The following THBS2 variants were observed in gnomAD, a reference collection of about 807,000 sequenced individuals.
The protein encoded by THBS2 is thrombospondin 2, also known as thrombospondin-2.
THBS2 carries 47 observed loss-of-function variants against 135.2 expected under a neutral mutation model. The observed-to-expected ratio is 0.35, with a 90% CI of 0.28 to 0.44. THBS2 has a LOEUF of 0.44. Among genes scored for constraint, THBS2 ranks in the 20% least tolerant of loss-of-function variants. The pLI is 1.00. For synonymous variants in THBS2, 639 were observed against 633.8 expected, an observed-to-expected ratio of 1.01 and a Z score of -0.12; for missense variants, 1,288 against 1,603.1, an observed-to-expected ratio of 0.80 and a Z score of 3.36.
intron 9 of THBS2, among the ~76,000 whole-genome samples, chr6:169,236,193 C>G: frequency 9.2e-6 from 1 of 109,088 alleles, no homozygotes; most frequent in Non-Finnish European, 1.9e-5. Flanking sequence ...CCCATCCACA[C>G]TCATTGCCCC....
chr6:169,247,863 CGT>C (rs1780606992), intron 3 of THBS2, among the ~76,000 whole-genome samples: 1 of 150,896 alleles, frequency 6.6e-6, no homozygotes, highest in African/African-American at 2.4e-5. Context: ...GGTGTGTGCA[CGT>C]GTGTGCATGT....
intron 14 of THBS2, among the ~76,000 whole-genome samples, chr6:169,228,838 C>T (rs1395704562): frequency 1.3e-5 from 2 of 150,410 alleles, no homozygotes. Context: ...GCAAGAGAAT[C>T]GCTTGAACCC....
chr6:169,234,742 C>A lies in THBS2; in HGVS notation c.1643G>T (p.Cys548Phe). The change falls in exon 10 of 22, where the codon TGC becomes TTC. Residue 548 changes from cysteine (C) to phenylalanine (F), a missense_variant. By Grantham distance (205) the Cys-to-Phe change is radical (BLOSUM62 -2). Around this residue, in one of 2 missense-constraint regions of THBS2, gnomAD observed 874 missense variants for 1,156.1 expected, o/e 0.76. Coordinates refer to ENST00000617924, the MANE Select transcript of THBS2 (RefSeq NM_003247.5). ...TTCTACCCCTCACTCACCCACGGGG[C>A]AGCTCCTCTTGTTGCACATCTGACG... ...QERQMCNKRS[C>F]PVDGCLSNPC... is the part of the protein sequence containing the mutation. 6.3e-7 allele frequency: 1 copy of A among 1,581,110 alleles called. No homozygotes were observed.
rs1277674630 is a variant in THBS2, at chr6:169,228,250, T to C, written c.2291A>G (p.Gln764Arg). The change falls in exon 15 of 22, where the codon CAG (glutamine) becomes CGG (arginine). Residue 764 changes from glutamine (Q) to arginine (R), a missense_variant. Physicochemically the swap from Gln to Arg is conservative, Grantham distance 43. Transcript: ENST00000617924. ...AACCTCATCCTTGTCATAGTCAGCCTGGCGGGGATTGAAGAGGAGCTGGCA... is the reference window on the plus strand; with the variant it reads ...AACCTCATCCTTGTCATAGTCAGCCCGGCGGGGATTGAAGAGGAGCTGGCA... The part of the protein sequence containing the change: ...DNCQLLFNPR[Q>R]ADYDKDEVGD... 1 of 1,614,036 alleles carries C rather than the reference T, an allele frequency of 6.2e-7. No individual in the cohort carries two copies. Among genetic ancestry groups the C allele is most frequent in the Non-Finnish European group, 8.5e-7 (1 of 1,180,034 alleles).
In THBS2 at chr6:169,232,004, G is replaced by C; in HGVS notation, c.2127C>G (p.Thr709=). The change falls in exon 13 of 22, where the codon ACC becomes ACG. Residue 709 remains threonine (T), a synonymous_variant. Coordinates refer to ENST00000617924, the MANE Select transcript of THBS2 (RefSeq NM_003247.5). ...CCTTGATGCAGTGGTAGGTGGCGTT[G>C]GTGGCGCAGACCAGATTGAGGTTGG... ...GWPNLNLVCA[T]NATYHCIKDN... 1 of 1,613,958 alleles carries C rather than the reference G, an allele frequency of 6.2e-7. No homozygotes were observed. Among genetic ancestry groups the C allele is most frequent in the Non-Finnish European group, 8.5e-7 (1 of 1,179,936 alleles).
At chr6:169,236,199 G>C (rs1487014370) in intron 9 of THBS2, among the ~76,000 whole-genome samples, 19 of 28,284 alleles carry the variant, frequency 6.7e-4, no homozygotes, top group Admixed American at 1.5e-3. Context: ...CACACTCATT[G>C]CCCCATAAAC....
intron 10 of THBS2, 97 bp from the exon 11 acceptor site, chr6:169,233,114 G>T: frequency 7.1e-7 from 1 of 1,413,660 alleles, no homozygotes; most frequent in Non-Finnish European, 9.3e-7. Flanking sequence ...GGATGTCTTT[G>T]TCATCGAATT....
Position 169,241,664 on chromosome 6 carries a change from G to A in THBS2, c.891+98C>T. ...TGTGGGTTTTTACATCGAGCATGAGGCACTGCCAAGCCAGGGAATGTTGAT... is the reference window on the plus strand; with the variant it reads ...TGTGGGTTTTTACATCGAGCATGAGACACTGCCAAGCCAGGGAATGTTGAT... On this transcript the variant is annotated intron_variant, in intron 5 of 21. Coordinates refer to ENST00000617924, the MANE Select transcript of THBS2 (RefSeq NM_003247.5). This position sits in a 1 kb window ranked among gnomAD's most constrained non-coding sequence, Gnocchi z 5.5. 1 of 1,265,702 alleles carries A rather than the reference G, an allele frequency of 7.9e-7. No individual in the cohort carries two copies. The allele number at this position is 1,265,702 out of a possible 1,614,324, so 78.4% of individuals were successfully genotyped here. A position where few individuals can be genotyped will look rare whatever the true frequency, so the allele number is the denominator to read the frequency against.
At chr6:169,219,685 T>C (rs1779350541) in intron 21 of THBS2, 1 of 462,156 alleles carries the variant, frequency 2.2e-6, no homozygotes, top group Non-Finnish European at 4.3e-6. Flanking sequence ...AGAAGCATCC[T>C]GAGCCTTATT....
At chr6:169,237,530 T>C (rs779485084) in intron 8 of THBS2, 95 bp downstream of exon 8, 200 of 1,566,088 alleles carry the variant, frequency 1.3e-4, no homozygotes, top group Non-Finnish European at 1.7e-4. Flanking sequence ...CAGCACCTCG[T>C]GAGGGCAGCT....
chr6:169,217,826 A>T lies in THBS2; in HGVS notation c.3515T>A (p.Ile1172Asn), dbSNP rs757327989. ...CGGAAATGCAGCAAATCTTGTTTAA[A>T]TATCTACAAAAAGAAAAAAAAAAGC... is the stretch of plus-strand genomic sequence containing the variant. Reference protein sequence around the residue: ...FSDLKYECRDI With the variant: ...FSDLKYECRDN Residue 1172 changes from isoleucine (I) to asparagine (N), a missense_variant, in exon 22 of 22, where the codon ATT (isoleucine) becomes AAT (asparagine). Ile to Asn is a moderately radical substitution (Grantham distance 149). Transcript: ENST00000617924. 6.3e-7 allele frequency: 1 copy of T among 1,575,332 alleles called. No homozygotes were observed. Among genetic ancestry groups the T allele is most frequent in the Non-Finnish European group, 8.6e-7 (1 of 1,167,490 alleles).
rs199769944 is a variant in THBS2, at chr6:169,248,574, T to G, written c.452A>C (p.Asn151Thr). ...DVGLADSQWK[N>T]VTVQVAGETY... ...CTCGCCAGCCACCTGCACGGTGACG[T>G]TCTTCCACTGCGAGTCAGCCAGGCC... Residue 151 changes from asparagine (N) to threonine (T), a missense_variant, in exon 3 of 22, where the codon AAC (asparagine) becomes ACC (threonine). Coordinates refer to ENST00000617924, the MANE Select transcript of THBS2 (RefSeq NM_003247.5). The G allele has an allele frequency of 2.5e-6, 4 of 1,613,938 alleles. No individual in the cohort carries two copies. In the East Asian group the frequency reaches 6.7e-5, roughly 27 times the overall value.
At chr6:169,243,685 T>C (rs1182748419) in intron 4 of THBS2, among the ~76,000 whole-genome samples, 3 of 152,220 alleles carry the variant, frequency 2.0e-5, no homozygotes, top group Non-Finnish European at 4.4e-5. Flanking sequence ...CACACTAATC[T>C]TTAACTAACC....
intron 21 of THBS2, among the ~76,000 whole-genome samples, chr6:169,219,303 G>GTGGT (rs536023401): frequency 0.013 from 1,672 of 130,060 alleles, 11 homozygotes; most frequent in Middle Eastern, 0.021. Flanking sequence ...GGGTGGATGG[G>GTGGT]TGGTTGGATG....
At chr6:169,228,075 A>C (rs559915902) in intron 15 of THBS2, 47 bp downstream of exon 15, 668 of 42,764 alleles carry the variant, frequency 0.016, 1 homozygote, top group Non-Finnish European at 0.02. Context: ...ACTCCATCTC[A>C]AAAAAAAAAA....
Position 169,220,305 on chromosome 6 carries a change from G to T in THBS2, c.3404C>A (p.Ala1135Glu). ...TTGGTCATAGATAGGTCCTGAGTCT[G>T]CCATGACCTGTTTTCCTTCATGCAC... The part of the protein sequence containing the change: ...VLVHEGKQVM[A>E]DSGPIYDQTY... Residue 1135 changes from alanine (A) to glutamate (E), a missense_variant, in exon 21 of 22, where the codon GCA becomes GAA. Ala to Glu is a moderately radical substitution (Grantham distance 107, BLOSUM62 -1). Transcript: ENST00000617924. 7 of 1,613,432 alleles carry T rather than the reference G, an allele frequency of 4.3e-6. No homozygotes were observed. Among genetic ancestry groups the T allele is most frequent in the Non-Finnish European group, 5.9e-6 (7 of 1,179,732 alleles).
rs1489664282 is a variant in THBS2, at chr6:169,248,321, G to C, written c.609+96C>G. ...GTGTGCTTCTCTAAGGCCAGGCTCT[G>C]CCTGCTCAAGCATCGCATCACCAGA... is the stretch of plus-strand genomic sequence containing the variant. On this transcript the variant is annotated intron_variant, in intron 3 of 21. Transcript: ENST00000617924. The C allele has an allele frequency of 4.3e-6, 6 of 1,411,044 alleles. No individual in the cohort carries two copies. The Admixed American group carries it at 7.9e-5, about 19-fold the overall frequency. 87.4% of individuals were successfully genotyped at this position (1,411,044 alleles called of 1,614,324 possible).
chr6:169,237,439 AG>A lies in THBS2; in HGVS notation c.1301-94del. 3.3e-6 allele frequency: 5 copies of A among 1,531,604 alleles called. No homozygotes were observed. In the South Asian group the frequency reaches 5.7e-5, roughly 17 times the overall value. The allele number at this position is 1,531,604 out of a possible 1,614,324, so 94.9% of individuals were successfully genotyped here. Reference sequence around the variant, plus strand: ...CCTTATTAACCGAGGAGCATCTCACAGCTGCTGAGGAGAGGGAAGGAGAACC... The same window carrying A: ...CCTTATTAACCGAGGAGCATCTCACACTGCTGAGGAGAGGGAAGGAGAACC... On this transcript the variant is annotated intron_variant, in intron 8 of 21. Coordinates refer to ENST00000617924, the MANE Select transcript of THBS2 (RefSeq NM_003247.5).
At chr6:169,223,702 C>T (rs1296883534) in intron 17 of THBS2, among the ~76,000 whole-genome samples, 1 of 152,162 alleles carries the variant, frequency 6.6e-6, no homozygotes, top group Non-Finnish European at 1.5e-5. Flanking sequence ...GTGATAAATA[C>T]ACAGCAAAGG....
Sources: allele counts gnomAD v4.1 joint callset (sites outside exome capture counted in the v4.1 genomes callset), GRCh38; gene constraint gnomAD v4.1.1; regional missense constraint gnomAD v4.1.1; non-coding constraint Gnocchi (gnomAD v3.1); transcripts MANE v1.5; gene names NCBI Gene and HGNC (gene_info 2026-07-23, HGNC 2026-07-21).